The following ADGRB3 variants were observed in gnomAD, a reference collection of about 807,000 sequenced individuals.
ADGRB3 encodes adhesion G protein-coupled receptor B3.
In ADGRB3, 37 loss-of-function variants were observed where a neutral mutation model predicts 193.4. That is an observed-to-expected ratio of 0.19 (90% confidence interval 0.15 to 0.25). The LOEUF is 0.25. ADGRB3 is among the 10% of genes least tolerant of loss of function. ADGRB3 has a pLI of 1.00. For missense variants in ADGRB3, 1,637 were observed against 1,852.9 expected, an observed-to-expected ratio of 0.88 and a Z score of 2.14; for synonymous variants, 690 against 644.2, an observed-to-expected ratio of 1.07 and a Z score of -1.08.
At chr6:69,295,528 G>A (rs1418089167) in intron 20 of ADGRB3, among the ~76,000 whole-genome samples, 1 of 152,134 alleles carries the variant, frequency 6.6e-6, no homozygotes, top group East Asian at 1.9e-4. Flanking sequence ...AGCACAGAGA[G>A]CCTCCTCCAA....
Position 69,339,056 on chromosome 6 carries a change from A to G in ADGRB3, c.3287+42A>G, listed in dbSNP as rs776113910. The G allele has an allele frequency of 3.8e-6, 6 of 1,596,154 alleles. No individual in the cohort carries two copies. In the South Asian group the frequency reaches 5.5e-5, roughly 15 times the overall value. On this transcript the variant is annotated intron_variant, in intron 25 of 31. Transcript: ENST00000370598. ...TACATCTTCTTGTTACAAATCTTTTACAGTGCATGTGAGAAAATGCTATGA... is the reference window on the plus strand; with the variant it reads ...TACATCTTCTTGTTACAAATCTTTTGCAGTGCATGTGAGAAAATGCTATGA...
chr6:69,353,409 G>A (rs1182110216), intron 26 of ADGRB3, among the ~76,000 whole-genome samples: 1 of 152,104 alleles, frequency 6.6e-6, no homozygotes, highest in Admixed American at 6.5e-5. Context: ...TTTTAAATCA[G>A]GGCACATAGT....
intron 17 of ADGRB3, among the ~76,000 whole-genome samples, chr6:69,130,632 T>G (rs777256482): frequency 6.6e-6 from 1 of 151,526 alleles, no homozygotes; most frequent in Non-Finnish European, 1.5e-5. Flanking sequence ...GGATTAAAGC[T>G]TTTTTATTGT....
At position 68,974,729 on chromosome 6, in the gene ADGRB3, A is replaced by G. The variant is rs1352881704; in HGVS notation, c.1526-34A>G. On this transcript the variant is annotated intron_variant, in intron 8 of 31. Coordinates refer to ENST00000370598, the MANE Select transcript of ADGRB3 (RefSeq NM_001704.3). ...TTATTGCCAAAATTTTTTAAACACT[A>G]CTGACATTCAAGTCCCTTTGTTTAA... 3.1e-6 allele frequency: 5 copies of G among 1,592,436 alleles called. No individual in the cohort carries two copies. The South Asian group carries it at 5.5e-5, about 18-fold the overall frequency.
At chr6:68,824,593 T>A (rs922016594) in intron 3 of ADGRB3, among the ~76,000 whole-genome samples, 1 of 148,268 alleles carries the variant, frequency 6.7e-6, no homozygotes, top group Non-Finnish European at 1.5e-5. Context: ...TACATATGTA[T>A]AATCATGCAA....
chr6:68,906,396 T>C (rs9446064), intron 3 of ADGRB3, among the ~76,000 whole-genome samples: 49,066 of 150,280 alleles, frequency 0.33, 8,314 homozygotes, highest in Middle Eastern at 0.53. Flanking sequence ...GCTTGTAGCC[T>C]ACAAGCAAGA....
At chr6:68,874,350 GTTATAA>G (rs1302958306) in intron 3 of ADGRB3, among the ~76,000 whole-genome samples, 9 of 152,002 alleles carry the variant, frequency 5.9e-5, no homozygotes, top group African/African-American at 1.9e-4. Flanking sequence ...AGGCTTGACT[GTTATAA>G]TTATACATTC....
chr6:69,138,962 T>A (rs1343315385), intron 17 of ADGRB3, among the ~76,000 whole-genome samples: 1 of 152,222 alleles, frequency 6.6e-6, no homozygotes, highest in Non-Finnish European at 1.5e-5. Flanking sequence ...AGTAAGTAGA[T>A]CCTGGTTTTT....
intron 31 of ADGRB3, among the ~76,000 whole-genome samples, chr6:69,384,126 T>G (rs920326015): frequency 1.4e-4 from 21 of 152,054 alleles, no homozygotes; most frequent in Non-Finnish European, 4.4e-5. Context: ...TCATGGCTTC[T>G]ATTGATTTAT....
intron 13 of ADGRB3, among the ~76,000 whole-genome samples, chr6:69,034,363 A>G (rs1224016223): frequency 6.6e-6 from 1 of 151,716 alleles, no homozygotes; most frequent in Non-Finnish European, 1.5e-5. Flanking sequence ...AATCTAAAAT[A>G]TCTTTAAAAT....
intron 3 of ADGRB3, among the ~76,000 whole-genome samples, chr6:68,807,239 T>TC (rs1398877045): frequency 0.027 from 3,594 of 134,206 alleles, 70 homozygotes; most frequent in African/African-American, 0.057. Context: ...TTTTTTCTTT[T>TC]TTTTTTTTTT....
intron 3 of ADGRB3, among the ~76,000 whole-genome samples, chr6:68,710,789 C>T (rs1307142222): frequency 6.6e-6 from 1 of 152,082 alleles, no homozygotes; most frequent in Non-Finnish European, 1.5e-5. Flanking sequence ...TGTTTCTCAT[C>T]ATTTCTTTGC....
At chr6:68,968,702 G>C (rs373188906) in intron 8 of ADGRB3, among the ~76,000 whole-genome samples, 4 of 152,142 alleles carry the variant, frequency 2.6e-5, no homozygotes, top group Admixed American at 2.6e-4. Flanking sequence ...AAACGGACGA[G>C]TCGTTGTATC....
At chr6:69,164,647 G>C (rs1437205665) in intron 17 of ADGRB3, among the ~76,000 whole-genome samples, 2 of 152,050 alleles carry the variant, frequency 1.3e-5, no homozygotes, top group Non-Finnish European at 2.9e-5. Flanking sequence ...ACTCATAAGA[G>C]GCCACCAGGC....
chr6:69,192,671 T>G (rs934990039), intron 17 of ADGRB3, among the ~76,000 whole-genome samples: 2 of 152,168 alleles, frequency 1.3e-5, no homozygotes, highest in Admixed American at 1.3e-4. Flanking sequence ...CAAACTGGGT[T>G]ATCAGTTTTT....
rs3839475 is a variant in ADGRB3, at chr6:69,219,461, G to GTATATATATATA, written c.2481-13808_2481-13797dup. ...CTTTAACTTAAAAATACACACACAC[G>GTATATATATATA]TATATATATATATATATATATATAT... On this transcript the variant is annotated intron_variant, in intron 17 of 31. Transcript: ENST00000370598. 6.0e-3 allele frequency among the ~76,000 whole-genome samples: 595 copies of GTATATATATATA among 98,770 alleles called. 22 individuals carry two copies. Among genetic ancestry groups the GTATATATATATA allele is most frequent in the African/African-American group, 7.9e-3 (246 of 31,118 alleles). The allele number at this position is 98,770 out of a possible 152,430, so 64.8% of individuals were successfully genotyped here. A position where few individuals can be genotyped will look rare whatever the true frequency, so the allele number is the denominator to read the frequency against.
chr6:68,889,950 T>C (rs1443846507), intron 3 of ADGRB3, among the ~76,000 whole-genome samples: 2 of 152,190 alleles, frequency 1.3e-5, no homozygotes, highest in Admixed American at 1.3e-4. Flanking sequence ...TATAGGTATA[T>C]AAAAAGTAGT....
intron 3 of ADGRB3, among the ~76,000 whole-genome samples, chr6:68,743,994 G>GTA (rs1485737267): frequency 2.0e-5 from 3 of 151,848 alleles, no homozygotes; most frequent in South Asian, 2.1e-4. Flanking sequence ...ATGTATATAT[G>GTA]TATATATATT....
intron 3 of ADGRB3, among the ~76,000 whole-genome samples, chr6:68,812,787 C>T (rs1054563844): frequency 5.3e-5 from 8 of 151,910 alleles, no homozygotes; most frequent in African/African-American, 1.7e-4. Context: ...AACCCGTCAT[C>T]TACATTAGGT....
Sources: allele counts gnomAD v4.1 joint callset (sites outside exome capture counted in the v4.1 genomes callset), GRCh38; gene constraint gnomAD v4.1.1; transcripts MANE v1.5; gene names NCBI Gene and HGNC (gene_info 2026-07-23, HGNC 2026-07-21).